Variants in ZNF827 observed in about 807,000 individuals in gnomAD.
The protein encoded by ZNF827 is zinc finger protein 827.
ZNF827 carries 13 observed loss-of-function variants against 102.4 expected under a neutral mutation model. The observed-to-expected ratio is 0.13, with a 90% confidence interval of 0.08 to 0.20. The LOEUF (loss-of-function observed/expected upper bound fraction) is 0.20, where lower values mean the gene tolerates loss of function less well. Ranked by LOEUF, ZNF827 falls within the 10% of genes least tolerant of loss-of-function variation. The pLI is 1.00. For missense variants in ZNF827, 1,103 were observed against 1,344.4 expected, an observed-to-expected ratio of 0.82 and a Z score of 2.81; for synonymous variants, 523 against 536.2, an observed-to-expected ratio of 0.98 and a Z score of 0.34.
chr4:145,769,231 T>C (rs894188593), intron 11 of ZNF827, among the ~76,000 whole-genome samples: 2 of 151,280 alleles, frequency 1.3e-5, no homozygotes, highest in African/African-American at 4.9e-5. Flanking sequence ...CAATGGTATA[T>C]GACTTTAGAC....
intron 1 of ZNF827, 84 bp from the exon 2 acceptor site, chr4:145,903,299 G>C: frequency 6.7e-7 from 1 of 1,492,452 alleles, no homozygotes; most frequent in Admixed American, 2.2e-5. Flanking sequence ...GTGATGACAT[G>C]CTTTCTCTTC....
At position 145,902,011 on chromosome 4, in the gene ZNF827, C is replaced by G. The variant is rs1235576160; in HGVS notation, c.1093+155G>C. On this transcript the variant is annotated intron_variant, in intron 2 of 14. Transcript: ENST00000508784. This position sits in a 1 kb window ranked among gnomAD's most constrained non-coding sequence, Gnocchi z 4.3. The stretch of plus-strand genomic sequence containing the variant: ...TGTGTAATACGTACATGAAAGACTA[C>G]TATGCTGCTTACTTAAAGTATTTTT... Among the ~76,000 whole-genome samples the G allele has an allele frequency of 1.3e-5, 2 of 152,200 alleles. No homozygotes were observed. Among genetic ancestry groups the G allele is most frequent in the Admixed American group, 1.3e-4 (2 of 15,286 alleles).
chr4:145,778,330 C>T (rs571122126), intron 9 of ZNF827, among the ~76,000 whole-genome samples: 233 of 152,322 alleles, frequency 1.5e-3, no homozygotes, highest in African/African-American at 5.5e-3. Context: ...GATGGGGTTT[C>T]ACCACTTTGG....
At chr4:145,870,511 T>C in intron 4 of ZNF827, 33 bp from the exon 5 acceptor site, 1 of 1,590,140 alleles carries the variant, frequency 6.3e-7, no homozygotes, top group Non-Finnish European at 8.6e-7. Context: ...TATATATACA[T>C]AAAAGGCCAC....
At chr4:145,824,414 G>A (rs1009883637) in intron 7 of ZNF827, among the ~76,000 whole-genome samples, 24 of 152,126 alleles carry the variant, frequency 1.6e-4, no homozygotes, top group Non-Finnish European at 1.2e-4. Context: ...TACAACAGAC[G>A]AAATTCAACC....
In ZNF827 at chr4:145,938,807, C is replaced by T. The variant is rs1336470967; in HGVS notation, c.-400G>A. On this transcript the variant is annotated 5_prime_UTR_variant, in exon 1 of 15. Coordinates refer to ENST00000508784, the MANE Select transcript of ZNF827 (RefSeq NM_001306215.2). ...TATGGCCGCGCTCTGTGTCTCCGAGCCCCTAACACTAATGTCGGGATCAAA... is the reference window on the plus strand; with the variant it reads ...TATGGCCGCGCTCTGTGTCTCCGAGTCCCTAACACTAATGTCGGGATCAAA... Among the ~76,000 whole-genome samples the T allele has an allele frequency of 6.6e-6, 1 of 151,788 alleles. No individual in the cohort carries two copies. The highest frequency in any genetic ancestry group is 6.6e-5 in the Admixed American group (1 of 15,244).
At chr4:145,894,450 TC>T (rs1315598433) in intron 2 of ZNF827, among the ~76,000 whole-genome samples, 2 of 152,160 alleles carry the variant, frequency 1.3e-5, no homozygotes, top group Non-Finnish European at 2.9e-5. Context: ...AAGAAAATAT[TC>T]CCAAGAGTAT....
At chr4:145,917,275 C>T (rs111941087) in intron 1 of ZNF827, among the ~76,000 whole-genome samples, 6 of 152,280 alleles carry the variant, frequency 3.9e-5, no homozygotes, top group East Asian at 1.9e-4. Context: ...TAACAAAACA[C>T]GCACGACCAG....
chr4:145,938,482 A>G lies in ZNF827; in HGVS notation c.-75T>C. ...AACCCCCGTGGGGGCAGAGAGGCAGACACTGGCAGGAGCGGGGAGGTAGTT... is the reference window on the plus strand; with the variant it reads ...AACCCCCGTGGGGGCAGAGAGGCAGGCACTGGCAGGAGCGGGGAGGTAGTT... On this transcript the variant is annotated 5_prime_UTR_variant, in exon 1 of 15. Transcript: ENST00000508784. 1.8e-6 allele frequency: 1 copy of G among 563,914 alleles called. No individual in the cohort carries two copies. Among genetic ancestry groups the G allele is most frequent in the Non-Finnish European group, 2.4e-6 (1 of 408,198 alleles). 34.9% of individuals were successfully genotyped at this position (563,914 alleles called of 1,614,324 possible).
chr4:145,925,687 C>T (rs529142074), intron 1 of ZNF827, among the ~76,000 whole-genome samples: 9 of 152,318 alleles, frequency 5.9e-5, no homozygotes, highest in African/African-American at 1.9e-4. Context: ...GCTCTCAATT[C>T]AGTATAGTGA....
At chr4:145,904,412 C>T (rs1751666502) in intron 1 of ZNF827, among the ~76,000 whole-genome samples, 1 of 152,114 alleles carries the variant, frequency 6.6e-6, no homozygotes, top group South Asian at 2.1e-4. Flanking sequence ...CCACATAGGG[C>T]AAGACAGGGA....
intron 1 of ZNF827, among the ~76,000 whole-genome samples, chr4:145,928,904 C>G (rs905843699): frequency 1.3e-5 from 2 of 152,130 alleles, no homozygotes; most frequent in African/African-American, 4.8e-5. Context: ...GGCAGACTGA[C>G]GAGCACATGC....
At chr4:145,766,142 G>A (rs538947604) in intron 11 of ZNF827, among the ~76,000 whole-genome samples, 1 of 152,256 alleles carries the variant, frequency 6.6e-6, no homozygotes, top group South Asian at 2.1e-4. Context: ...TCACAGAAAG[G>A]TTAATCTGGC....
chr4:145,892,156 C>T lies in ZNF827; in HGVS notation c.1266+87G>A, dbSNP rs979178192. The T allele has an allele frequency of 3.1e-5, 42 of 1,358,352 alleles. No individual in the cohort carries two copies. The East Asian group carries it at 7.8e-4, about 25-fold the overall frequency. The allele number at this position is 1,358,352 out of a possible 1,614,324, so 84.1% of individuals were successfully genotyped here. On this transcript the variant is annotated intron_variant, in intron 3 of 14. Coordinates refer to ENST00000508784, the MANE Select transcript of ZNF827 (RefSeq NM_001306215.2). Reference sequence around the variant, plus strand: ...GTTTCATCAGTGAGGCGCCCTCCCTCGGCCAAGAAGCCTCCTGCACCAGAC... The same window carrying T: ...GTTTCATCAGTGAGGCGCCCTCCCTTGGCCAAGAAGCCTCCTGCACCAGAC...
intron 5 of ZNF827, among the ~76,000 whole-genome samples, chr4:145,863,967 G>A (rs1219583516): frequency 6.6e-6 from 1 of 151,962 alleles, no homozygotes; most frequent in Non-Finnish European, 1.5e-5. Context: ...GCTGAGGTGG[G>A]CAGATTGTCT....
Position 145,902,314 on chromosome 4 carries a change from T to C in ZNF827, c.945A>G (p.Leu315=). ...GTTTCTTCTCTGAAGGCGGGGGCGG[T>C]AGAGGGTCCTCAGGCAGCAGCGATG... ...EKSSLLPEDP[L]PPPPSEKKPE... is the part of the protein sequence containing the mutation. The change falls in exon 2 of 15, where the codon CTA becomes CTG. Residue 315 remains leucine, a synonymous_variant. Transcript: ENST00000508784. The surrounding 1 kb of genome is among the most constrained non-coding windows in gnomAD (Gnocchi z 4.3). 1.2e-6 allele frequency: 2 copies of C among 1,600,180 alleles called. No individual in the cohort carries two copies. Among genetic ancestry groups the C allele is most frequent in the Non-Finnish European group, 1.7e-6 (2 of 1,173,442 alleles).
intron 9 of ZNF827, among the ~76,000 whole-genome samples, chr4:145,776,469 G>GA (rs200038790): frequency 1.5e-3 from 191 of 129,922 alleles, no homozygotes; most frequent in African/African-American, 3.2e-3. Context: ...TCAAAAAAAA[G>GA]AAAAAAAAAA....
intron 7 of ZNF827, among the ~76,000 whole-genome samples, chr4:145,843,689 T>G (rs1264500688): frequency 2.6e-5 from 4 of 152,176 alleles, no homozygotes; most frequent in Admixed American, 2.6e-4. Flanking sequence ...AGATCCTCCC[T>G]CTGGCACGAA....
chr4:145,811,305 T>C (rs1741983411), intron 8 of ZNF827, among the ~76,000 whole-genome samples: 1 of 152,132 alleles, frequency 6.6e-6, no homozygotes, highest in Admixed American at 6.5e-5. Flanking sequence ...TCATTTCTGG[T>C]TTATATTTTT....
Sources: gnomAD v4.1 joint callset for allele counts (sites outside exome capture counted in the v4.1 genomes callset) on GRCh38, gnomAD v4.1.1 for gene constraint, Gnocchi (gnomAD v3.1) non-coding constraint, MANE v1.5 for transcripts, NCBI Gene and HGNC (gene_info 2026-07-23, HGNC 2026-07-21) for gene names.